Variants in PECAM1 observed in about 807,000 individuals in gnomAD.
The protein encoded by PECAM1 is platelet endothelial cell adhesion molecule.
Under a neutral mutation model 13.8 loss-of-function variants are expected in PECAM1, and 8 were observed. The observed-to-expected ratio is 0.58, with a 90% CI of 0.34 to 1.05. The LOEUF (loss-of-function observed/expected upper bound fraction) is 1.05. Among genes scored for constraint, PECAM1 ranks in the 50% least tolerant of loss-of-function variants. PECAM1 has a pLI of 0.03. For missense variants in PECAM1, 304 were observed against 141.2 expected (o/e 2.15, Z -5.84); for synonymous variants, 136 against 52.6 (o/e 2.58, Z -6.86).
At position 64,354,965 on chromosome 17, in the gene PECAM1, G is replaced by A. The variant is rs1424827268; in HGVS notation, c.1856C>T (p.Ala619Val). The A allele has an allele frequency of 1.5e-5, 7 of 475,224 alleles. No individual in the cohort carries two copies. The Admixed American group carries it at 1.9e-4, about 13-fold the overall frequency. 29.4% of individuals were successfully genotyped at this position (475,224 alleles called of 1,614,324 possible). A position where few individuals can be genotyped will look rare whatever the true frequency, so the allele number is the denominator to read the frequency against. Reference sequence around the variant, plus strand: ...TTTCCTCAGAAAATAACATTTGGCCGCAATGATCAAGAGAGCAATGATCAC... The same window carrying A: ...TTTCCTCAGAAAATAACATTTGGCCACAATGATCAAGAGAGCAATGATCAC... The part of the protein sequence containing the change: ...IGVIIALLII[A>V]AKCYFLRKAK... Residue 619 changes from alanine to valine, a missense_variant, in exon 9 of 16, where the codon GCG becomes GTG. Physicochemically the swap from Ala to Val is moderately conservative, Grantham distance 64. Transcript: ENST00000563924.
chr17:64,352,474 A>T lies in PECAM1; in HGVS notation c.1917-11T>A. On this transcript the variant is annotated splice_polypyrimidine_tract_variant and intron_variant, in intron 10 of 15. Transcript: ENST00000563924. ...AGTGGTACTGCTGGCCTTAAAATGA[A>T]ATATAAAAACAGAAAACAATATATA... is the stretch of plus-strand genomic sequence containing the variant. 2.1e-6 allele frequency: 1 copy of T among 473,286 alleles called. No individual in the cohort carries two copies. The highest frequency in any genetic ancestry group is 3.9e-6 in the Non-Finnish European group (1 of 258,002). 29.3% of individuals were successfully genotyped at this position (473,286 alleles called of 1,614,324 possible). A position where few individuals can be genotyped will look rare whatever the true frequency, so the allele number is the denominator to read the frequency against.
At chr17:64,336,206 C>A (rs1452250876) in intron 14 of PECAM1, among the ~76,000 whole-genome samples, 1 of 151,140 alleles carries the variant, frequency 6.6e-6, no homozygotes, top group African/African-American at 2.4e-5. Context: ...CTGGAGGTTG[C>A]AGTGAGCTGC....
At chr17:64,379,766 G>A (rs1228136398) in intron 2 of PECAM1, among the ~76,000 whole-genome samples, 3 of 152,160 alleles carry the variant, frequency 2.0e-5, no homozygotes, top group Non-Finnish European at 4.4e-5. Flanking sequence ...GCTCACACCT[G>A]TAATCCCAGA....
At chr17:64,335,032 C>T (rs995506686) in intron 14 of PECAM1, among the ~76,000 whole-genome samples, 3 of 152,234 alleles carry the variant, frequency 2.0e-5, no homozygotes, top group Middle Eastern at 3.4e-3. Flanking sequence ...CCCAGCGTGA[C>T]GGCAGCAGCT....
chr17:64,345,515 C>A (rs953926059), intron 13 of PECAM1, among the ~76,000 whole-genome samples: 7 of 151,888 alleles, frequency 4.6e-5, no homozygotes, highest in Admixed American at 3.3e-4. Flanking sequence ...GAGTTGGAGA[C>A]CAGCCTGGCC....
At chr17:64,326,246 G>A (rs1288329625) in intron 15 of PECAM1, among the ~76,000 whole-genome samples, 2 of 152,232 alleles carry the variant, frequency 1.3e-5, no homozygotes, top group African/African-American at 4.8e-5. Flanking sequence ...ACACTCTGCT[G>A]CAGGTGGAAC....
Position 64,321,499 on chromosome 17 carries a change from T to TG in PECAM1, c.*2316dup. 1.0e-6 allele frequency: 1 copy of TG among 982,448 alleles called. No individual in the cohort carries two copies. The highest frequency in any genetic ancestry group is 1.1e-4 in the East Asian group (1 of 9,456). 60.9% of individuals were successfully genotyped at this position (982,448 alleles called of 1,614,324 possible). ...CAGGCCGGGGGCGGTGGCTCATGCC[T>TG]GCAATCCCAGCACTTTGCGAGGCCA... On this transcript the variant is annotated 3_prime_UTR_variant, in exon 16 of 16. Transcript: ENST00000563924.
At chr17:64,386,402 T>C (rs1360969281) in intron 2 of PECAM1, among the ~76,000 whole-genome samples, 1 of 72,706 alleles carries the variant, frequency 1.4e-5, no homozygotes, top group African/African-American at 5.1e-5. Context: ...TGAGACTCTG[T>C]CAAAAAAAAA....
intron 1 of PECAM1, 35 bp from the exon 2 acceptor site, chr17:64,390,550 A>C: frequency 2.1e-6 from 1 of 474,102 alleles, no homozygotes; most frequent in Non-Finnish European, 3.9e-6. Context: ...TGATTCCAGA[A>C]GCTTCGATGC....
chr17:64,333,666 T>C (rs950430335), intron 14 of PECAM1, among the ~76,000 whole-genome samples: 1 of 151,548 alleles, frequency 6.6e-6, no homozygotes, highest in African/African-American at 2.4e-5. Flanking sequence ...AGAATAAAAT[T>C]GTAAAAAGTA....
At position 64,319,473 on chromosome 17, in the gene PECAM1, C is replaced by A. The variant is rs2034781574; in HGVS notation, c.*4343G>T. 6.6e-6 allele frequency: 1 copy of A among 152,162 alleles called. No homozygotes were observed. Among genetic ancestry groups the A allele is most frequent in the African/African-American group, 2.4e-5 (1 of 41,422 alleles). 9.4% of individuals were successfully genotyped at this position (152,162 alleles called of 1,614,324 possible). A position where few individuals can be genotyped will look rare whatever the true frequency, so the allele number is the denominator to read the frequency against. ...TTTAGAGCAGGAACAAAAGGAAGTA[C>A]ACTACACTTGGGTCAGGCAGGCAAC... is the stretch of plus-strand genomic sequence containing the variant. On this transcript the variant is annotated 3_prime_UTR_variant, in exon 16 of 16. Coordinates refer to ENST00000563924, the MANE Select transcript of PECAM1 (RefSeq NM_000442.5).
chr17:64,335,372 C>CA (rs2035250874), intron 14 of PECAM1, among the ~76,000 whole-genome samples: 1 of 151,782 alleles, frequency 6.6e-6, no homozygotes, highest in South Asian at 2.1e-4. Flanking sequence ...CACTGCACTC[C>CA]AGCCTGAGTG....
In PECAM1 at chr17:64,363,216, C is replaced by T. The variant is rs890407884; in HGVS notation, c.1149G>A (p.Thr383=). The change falls in exon 6 of 16, where the codon ACG becomes ACA. Residue 383 remains threonine (T), a synonymous_variant. Coordinates refer to ENST00000563924, the MANE Select transcript of PECAM1 (RefSeq NM_000442.5). ...TGTCAATACCTGCAGTGCAGATATA[C>T]GTCCCACTGTCCGACTTTGAGGCTA... ...TKIASKSDSG[T]YICTAGIDKV... The T allele has an allele frequency of 4.6e-5, 22 of 475,280 alleles. 2 individuals carry two copies. Among genetic ancestry groups the T allele is most frequent in the Middle Eastern group, 1.2e-3 (2 of 1,684 alleles). 29.4% of individuals were successfully genotyped at this position (475,280 alleles called of 1,614,324 possible). A position where few individuals can be genotyped will look rare whatever the true frequency, so the allele number is the denominator to read the frequency against.
intron 3 of PECAM1, among the ~76,000 whole-genome samples, chr17:64,376,582 A>G (rs2036364563): frequency 1.3e-5 from 2 of 152,204 alleles, no homozygotes; most frequent in Admixed American, 1.3e-4. Context: ...TCATTGTTCA[A>G]GATATAAGAA....
chr17:64,360,245 C>T lies in PECAM1; in HGVS notation c.1387G>A (p.Val463Ile). Residue 463 changes from valine to isoleucine, a missense_variant, in exon 7 of 16, where the codon GTA (valine) becomes ATA (isoleucine). Coordinates refer to ENST00000563924, the MANE Select transcript of PECAM1 (RefSeq NM_000442.5). ...NSTKNSNDPA[V>I]FKDNPTEDVE... Reference sequence around the variant, plus strand: ...TCTTCAGTGGGGTTGTCTTTGAATACCGCAGGATCATTTGAGTTCTTGGTA... The same window carrying T: ...TCTTCAGTGGGGTTGTCTTTGAATATCGCAGGATCATTTGAGTTCTTGGTA... The T allele has an allele frequency of 4.2e-6, 2 of 475,364 alleles. No homozygotes were observed. Among genetic ancestry groups the T allele is most frequent in the Non-Finnish European group, 7.7e-6 (2 of 259,046 alleles). 29.4% of individuals were successfully genotyped at this position (475,364 alleles called of 1,614,324 possible).
At chr17:64,377,724 G>A (rs2036395627) in intron 3 of PECAM1, 100 bp downstream of exon 3, 2 of 466,118 alleles carry the variant, frequency 4.3e-6, no homozygotes, top group Non-Finnish European at 7.7e-6. Flanking sequence ...GGTGATGGGT[G>A]GAGAGTTAAG....
At chr17:64,384,330 T>C (rs1379356909) in intron 2 of PECAM1, among the ~76,000 whole-genome samples, 4 of 151,740 alleles carry the variant, frequency 2.6e-5, no homozygotes, top group African/African-American at 9.7e-5. Flanking sequence ...ACAAAAACAG[T>C]GACCTAGTTT....
rs2035631526 is a variant in PECAM1, at chr17:64,348,282, C to A, written c.2085G>T (p.Val695=). ...TACCTTTGTGAGACTCAGCTGAGGA[C>A]ACTTGAACTTCCGTGTACTGCACGT... ...NSDVQYTEVQ[V]SSAESHKDLG... The change falls in exon 13 of 16, where the codon GTG becomes GTT. Residue 695 remains valine (V), a synonymous_variant. Coordinates refer to ENST00000563924, the MANE Select transcript of PECAM1 (RefSeq NM_000442.5). 7 of 475,292 alleles carry A rather than the reference C, an allele frequency of 1.5e-5. No homozygotes were observed. The South Asian group carries it at 4.7e-4, about 32-fold the overall frequency. 29.4% of individuals were successfully genotyped at this position (475,292 alleles called of 1,614,324 possible).
intron 15 of PECAM1, among the ~76,000 whole-genome samples, chr17:64,327,919 G>A (rs1278822735): frequency 6.6e-6 from 1 of 152,144 alleles, no homozygotes; most frequent in Non-Finnish European, 1.5e-5. Context: ...ATTTTCTCCT[G>A]ACCCACACCA....
Sources: gnomAD v4.1 joint callset for allele counts (sites outside exome capture counted in the v4.1 genomes callset) on GRCh38, gnomAD v4.1.1 for gene constraint, MANE v1.5 for transcripts, NCBI Gene and HGNC (gene_info 2026-07-23, HGNC 2026-07-21) for gene names.